KAZN: variants seen among roughly 807,000 people sequenced by gnomAD.
KAZN encodes kazrin.
A neutral mutation model predicts 87.4 loss-of-function variants in KAZN; 40 were observed. The ratio of observed to expected loss-of-function variants is 0.46; its 90% CI spans 0.36 to 0.60. The LOEUF (loss-of-function observed/expected upper bound fraction) is 0.60, where lower values mean the gene tolerates loss of function less well. Ranked by LOEUF, KAZN falls within the 20% of genes least tolerant of loss-of-function variation. KAZN has a pLI of 0.00. For missense variants in KAZN, 898 were observed against 1,073.9 expected (o/e 0.84, Z 2.29); for synonymous variants, 466 against 458.3 (o/e 1.02, Z -0.22).
chr1:14,946,902 T>C lies in KAZN; in HGVS notation c.227-13782T>C, dbSNP rs117633820. Among the ~76,000 whole-genome samples, 507 of 152,282 alleles carry C rather than the reference T, an allele frequency of 3.3e-3. 10 individuals carry two copies. The East Asian group carries it at 0.047, about 14-fold the overall frequency. On this transcript the variant is annotated intron_variant, in intron 1 of 14. Coordinates refer to ENST00000376030, the MANE Select transcript of KAZN (RefSeq NM_201628.3). Reference sequence around the variant, plus strand: ...TAGGCTTTGGTTTGATTGTCTATAATATGGAAATAGAAATGCCTGTTCTTT... The same window carrying C: ...TAGGCTTTGGTTTGATTGTCTATAACATGGAAATAGAAATGCCTGTTCTTT...
At chr1:14,092,140 G>A (rs898786206) in intron 1 of KAZN, among the ~76,000 whole-genome samples, 2 of 146,740 alleles carry the variant, frequency 1.4e-5, no homozygotes, top group African/African-American at 5.0e-5. Flanking sequence ...ACCCAGGCTG[G>A]AGTGCAGTGG....
At chr1:14,107,687 T>G (rs1644408074) in intron 1 of KAZN, among the ~76,000 whole-genome samples, 1 of 152,172 alleles carries the variant, frequency 6.6e-6, no homozygotes, top group Non-Finnish European at 1.5e-5. Context: ...GCAGTGGAGA[T>G]CCTATGAGAT....
chr1:14,204,254 T>C (rs1646695285), intron 2 of KAZN, among the ~76,000 whole-genome samples: 1 of 152,248 alleles, frequency 6.6e-6, no homozygotes, highest in Admixed American at 6.5e-5. Context: ...AAATGACTTC[T>C]TCACGATTAT....
At chr1:14,801,840 C>T (rs1285071424) in intron 1 of KAZN, among the ~76,000 whole-genome samples, 2 of 147,918 alleles carry the variant, frequency 1.4e-5, no homozygotes, top group Non-Finnish European at 2.9e-5. Context: ...CCCGCCATCA[C>T]GCCCAGCTAA....
At chr1:14,662,887 A>G (rs1430713908) in intron 1 of KAZN, among the ~76,000 whole-genome samples, 7 of 147,596 alleles carry the variant, frequency 4.7e-5, no homozygotes, top group African/African-American at 1.7e-4. Flanking sequence ...ATATATATGT[A>G]TATATTATAT....
chr1:13,937,899 C>T (rs1417019356), intron 1 of KAZN, among the ~76,000 whole-genome samples: 2 of 152,042 alleles, frequency 1.3e-5, no homozygotes, highest in Non-Finnish European at 2.9e-5. Flanking sequence ...TATTTTTATG[C>T]CAGTACCATG....
At position 14,010,992 on chromosome 1, in the gene KAZN, C is replaced by A. The variant is rs542853786; in HGVS notation, c.91+117236C>A. Among the ~76,000 whole-genome samples, 4 of 152,174 alleles carry A rather than the reference C, an allele frequency of 2.6e-5. No homozygotes were observed. The South Asian group carries it at 8.3e-4, about 32-fold the overall frequency. ...ATCTCCCTTCCCCATCTTCTGCCTC[C>A]CCTATTTCCTCTCCTTACCTCTTTT... On this transcript the variant is annotated intron_variant, in intron 1 of 16. Coordinates refer to the KAZN transcript ENST00000636203.
chr1:14,250,691 C>T (rs1649946102), intron 2 of KAZN, among the ~76,000 whole-genome samples: 1 of 151,860 alleles, frequency 6.6e-6, no homozygotes, highest in African/African-American at 2.4e-5. Context: ...TAATGATTAG[C>T]ACAAGATCCA....
chr1:14,570,027 T>C (rs1674768022), intron 2 of KAZN, among the ~76,000 whole-genome samples: 2 of 152,102 alleles, frequency 1.3e-5, no homozygotes, highest in Non-Finnish European at 2.9e-5. Flanking sequence ...GCAGGAGAAT[T>C]GCTTGAACCC....
chr1:14,300,556 A>G (rs1411638937), intron 2 of KAZN, among the ~76,000 whole-genome samples: 1 of 152,192 alleles, frequency 6.6e-6, no homozygotes, highest in African/African-American at 2.4e-5. Context: ...CAGTAGAGCA[A>G]CATGATCTGA....
intron 8 of KAZN, among the ~76,000 whole-genome samples, chr1:15,086,090 C>G (rs1349382514): frequency 6.6e-6 from 1 of 152,152 alleles, no homozygotes; most frequent in Non-Finnish European, 1.5e-5. Flanking sequence ...CCTGCCTCAG[C>G]CTCCCAAGTA....
intron 2 of KAZN, among the ~76,000 whole-genome samples, chr1:14,967,716 C>A (rs1664614590): frequency 6.6e-6 from 1 of 152,156 alleles, no homozygotes; most frequent in Non-Finnish European, 1.5e-5. Flanking sequence ...TTTGAAGACA[C>A]AGGAAGGGGC....
chr1:14,941,360 T>G (rs1229499811), intron 1 of KAZN, among the ~76,000 whole-genome samples: 1 of 152,152 alleles, frequency 6.6e-6, no homozygotes, highest in African/African-American at 2.4e-5. Context: ...AACAGTATAC[T>G]CACCTCTTGG....
At chr1:14,073,553 C>T (rs540274679) in intron 1 of KAZN, among the ~76,000 whole-genome samples, 35 of 152,150 alleles carry the variant, frequency 2.3e-4, no homozygotes, top group Middle Eastern at 3.4e-3. Context: ...CTTCCCTAGC[C>T]CCCCACCCCC....
chr1:14,757,734 G>A (rs569218125), intron 1 of KAZN, among the ~76,000 whole-genome samples: 1 of 152,336 alleles, frequency 6.6e-6, no homozygotes, highest in African/African-American at 2.4e-5. Context: ...GGGGAATCAA[G>A]ATCTCTCCCA....
chr1:14,423,447 C>T lies in KAZN; in HGVS notation c.250-175536C>T, dbSNP rs140856941. On this transcript the variant is annotated intron_variant, in intron 2 of 16. Transcript: ENST00000636203. Reference sequence around the variant, plus strand: ...TTTTCTTGTAAAAATATCCCTGAAACGGCACAGGGCAAATACTAGTAAGTA... The same window carrying T: ...TTTTCTTGTAAAAATATCCCTGAAATGGCACAGGGCAAATACTAGTAAGTA... Among the ~76,000 whole-genome samples the T allele has an allele frequency of 2.6e-4, 40 of 152,222 alleles. No homozygotes were observed. The East Asian group carries it at 6.4e-3, about 24-fold the overall frequency.
intron 1 of KAZN, among the ~76,000 whole-genome samples, chr1:14,651,784 A>G (rs1011125729): frequency 3.9e-5 from 6 of 152,202 alleles, no homozygotes; most frequent in African/African-American, 1.4e-4. Flanking sequence ...TAGCTCATGA[A>G]GTTTTTATGG....
At chr1:14,960,637 G>C in intron 1 of KAZN, 47 bp from the exon 2 acceptor site, 1 of 1,530,884 alleles carries the variant, frequency 6.5e-7, no homozygotes, top group Non-Finnish European at 8.8e-7. Context: ...ATGCGAGTGA[G>C]CGGCAGAGAC....
chr1:14,349,132 C>T (rs1053995369), intron 2 of KAZN: 6 of 152,208 alleles, frequency 3.9e-5, no homozygotes, highest in Non-Finnish European at 7.3e-5. Context: ...ACAAATCCAA[C>T]AGTACACAGG....
Sources: gnomAD v4.1 joint callset for allele counts (sites outside exome capture counted in the v4.1 genomes callset) on GRCh38, gnomAD v4.1.1 for gene constraint, MANE v1.5 for transcripts, NCBI Gene and HGNC (gene_info 2026-07-23, HGNC 2026-07-21) for gene names.